The following SCHIP1 variants were observed in gnomAD, a reference collection of about 807,000 sequenced individuals.
SCHIP1 encodes the protein schwannomin interacting protein 1, also known as schwannomin-interacting protein 1.
In SCHIP1, 8 loss-of-function variants were observed where a neutral mutation model predicts 29.7. The observed-to-expected ratio is 0.27, with a 90% CI of 0.16 to 0.49. SCHIP1 has a LOEUF of 0.49. SCHIP1 is among the 20% of genes least tolerant of loss of function. The pLI, the probability that SCHIP1 is intolerant of heterozygous loss-of-function variation, is 0.99. For missense variants in SCHIP1, 193 were observed against 294.6 expected, an observed-to-expected ratio of 0.66 and a Z score of 2.52; for synonymous variants, 76 against 94.9, an observed-to-expected ratio of 0.80 and a Z score of 1.16.
At chr3:159,634,330 G>GA in the SCHIP1 span, among the ~76,000 whole-genome samples, 2 of 151,832 alleles carry the variant, frequency 1.3e-5, no homozygotes, top group African/African-American at 4.8e-5. Context: ...GTAAAAATAA[G>GA]AAAAAAAGAA....
the SCHIP1 span, among the ~76,000 whole-genome samples, chr3:159,815,054 A>G: frequency 6.6e-6 from 1 of 152,198 alleles, no homozygotes; most frequent in African/African-American, 2.4e-5. Context: ...CCCATCAGGA[A>G]GACTTCTTGC....
At chr3:159,732,468 C>A in the SCHIP1 span, among the ~76,000 whole-genome samples, 6 of 152,074 alleles carry the variant, frequency 3.9e-5, no homozygotes, top group African/African-American at 1.4e-4. Flanking sequence ...GTTCTCATGG[C>A]GGGTTAGAAA....
the SCHIP1 span, among the ~76,000 whole-genome samples, chr3:159,550,266 A>T: frequency 6.6e-6 from 1 of 152,004 alleles, no homozygotes; most frequent in African/African-American, 2.4e-5. Flanking sequence ...ATGCTTTTCA[A>T]ATCCTTTGTA....
At chr3:159,605,183 C>A in the SCHIP1 span, among the ~76,000 whole-genome samples, 1 of 152,088 alleles carries the variant, frequency 6.6e-6, no homozygotes, top group Non-Finnish European at 1.5e-5. Flanking sequence ...AAGGGCGAAG[C>A]ATTAGAAGGA....
At chr3:159,784,359 T>C in the SCHIP1 span, among the ~76,000 whole-genome samples, 2 of 152,256 alleles carry the variant, frequency 1.3e-5, no homozygotes, top group Non-Finnish European at 2.9e-5. Context: ...TATTACTCTG[T>C]TTCACTTTCC....
At chr3:159,326,870 T>G in the SCHIP1 span, among the ~76,000 whole-genome samples, 1 of 152,136 alleles carries the variant, frequency 6.6e-6, no homozygotes. Flanking sequence ...CCCAATTGTA[T>G]TAGGCACCAA....
chr3:159,368,541 A>G, the SCHIP1 span, among the ~76,000 whole-genome samples: 2 of 152,252 alleles, frequency 1.3e-5, no homozygotes, highest in African/African-American at 4.8e-5. Flanking sequence ...TTATGACCAC[A>G]GAATTAAAAT....
chr3:159,806,754 G>A, the SCHIP1 span, among the ~76,000 whole-genome samples: 2 of 152,212 alleles, frequency 1.3e-5, no homozygotes, highest in Non-Finnish European at 2.9e-5. Context: ...CCCTCCACTC[G>A]CGTGGTGCCT....
chr3:159,361,042 A>G, the SCHIP1 span, among the ~76,000 whole-genome samples: 1 of 152,222 alleles, frequency 6.6e-6, no homozygotes, highest in African/African-American at 2.4e-5. Context: ...GACACTTGGG[A>G]TAAAACCAGC....
chr3:159,873,659 G>A (rs1011670630), intron 2 of SCHIP1, among the ~76,000 whole-genome samples: 1 of 152,194 alleles, frequency 6.6e-6, no homozygotes, highest in African/African-American at 2.4e-5. Flanking sequence ...AATGTGGCAA[G>A]TAGAGTGTCA....
the SCHIP1 span, among the ~76,000 whole-genome samples, chr3:159,326,707 A>G: frequency 2.1e-4 from 32 of 152,136 alleles, no homozygotes; most frequent in Non-Finnish European, 2.5e-4. Context: ...TATTATCTTG[A>G]TCATTTTGTG....
chr3:159,532,831 G>A, the SCHIP1 span, among the ~76,000 whole-genome samples: 13 of 152,170 alleles, frequency 8.5e-5, no homozygotes, highest in African/African-American at 3.1e-4. Flanking sequence ...GCTGCCATGT[G>A]CTTACACTTC....
the SCHIP1 span, among the ~76,000 whole-genome samples, chr3:159,693,613 C>T: frequency 2.6e-5 from 4 of 152,082 alleles, no homozygotes; most frequent in Non-Finnish European, 5.9e-5. Flanking sequence ...TAAGAAAACG[C>T]CAAGACACCC....
At chr3:159,648,061 C>T in the SCHIP1 span, among the ~76,000 whole-genome samples, 1 of 152,106 alleles carries the variant, frequency 6.6e-6, no homozygotes, top group Non-Finnish European at 1.5e-5. Flanking sequence ...AACTGGCTAC[C>T]AAGCCAGCAC....
At chr3:159,500,582 C>T in the SCHIP1 span, among the ~76,000 whole-genome samples, 9 of 151,754 alleles carry the variant, frequency 5.9e-5, no homozygotes, top group South Asian at 2.1e-4. Context: ...GGTGTGGTGG[C>T]GGGCACCTGT....
chr3:159,292,957 T>C, the SCHIP1 span, among the ~76,000 whole-genome samples: 1 of 152,130 alleles, frequency 6.6e-6, no homozygotes, highest in Non-Finnish European at 1.5e-5. Flanking sequence ...CCTTGTATTT[T>C]TTCTGGAGTT....
At chr3:159,725,235 A>C in the SCHIP1 span, among the ~76,000 whole-genome samples, 1 of 151,508 alleles carries the variant, frequency 6.6e-6, no homozygotes, top group Admixed American at 6.6e-5. Flanking sequence ...GATGAGAGAG[A>C]GAGAGAAACT....
At chr3:159,295,279 A>AAAC in the SCHIP1 span, among the ~76,000 whole-genome samples, 5 of 144,326 alleles carry the variant, frequency 3.5e-5, no homozygotes, top group African/African-American at 1.3e-4. Flanking sequence ...AAAAAAAACA[A>AAAC]CTAGCCAGGC....
the SCHIP1 span, among the ~76,000 whole-genome samples, chr3:159,349,294 A>G: frequency 6.6e-6 from 1 of 152,192 alleles, no homozygotes; most frequent in African/African-American, 2.4e-5. Flanking sequence ...GTATGTGAGG[A>G]TAGATACTAG....
Sources: gnomAD v4.1 joint callset for allele counts (sites outside exome capture counted in the v4.1 genomes callset) on GRCh38, gnomAD v4.1.1 for gene constraint, MANE v1.5 for transcripts, NCBI Gene and HGNC (gene_info 2026-07-23, HGNC 2026-07-21) for gene names.